FRMD3: variants seen among roughly 807,000 people sequenced by gnomAD.
FRMD3 encodes FERM domain-containing protein 3.
FRMD3 carries 33 observed loss-of-function variants against 70.2 expected under a neutral mutation model. The observed-to-expected ratio is 0.47, with a 90% CI of 0.36 to 0.63. The LOEUF (loss-of-function observed/expected upper bound fraction) is 0.63, where lower values mean the gene tolerates loss of function less well. Ranked by LOEUF, FRMD3 falls within the 20% of genes least tolerant of loss-of-function variation. FRMD3 has a pLI of 0.00. For missense variants in FRMD3, 632 were observed against 711.4 expected (o/e 0.89, Z 1.27); for synonymous variants, 279 against 255.9 (o/e 1.09, Z -0.86).
At chr9:83,329,933 T>C (rs1171132782) in intron 6 of FRMD3, among the ~76,000 whole-genome samples, 1 of 152,234 alleles carries the variant, frequency 6.6e-6, no homozygotes, top group Admixed American at 6.5e-5. Context: ...CTATCAGGGT[T>C]CTTTATGGTA....
At chr9:83,322,501 C>G (rs1308558855) in intron 6 of FRMD3, among the ~76,000 whole-genome samples, 2 of 152,170 alleles carry the variant, frequency 1.3e-5, no homozygotes, top group Non-Finnish European at 2.9e-5. Context: ...CTCCTTGCAG[C>G]AGCTCTGCAG....
chr9:83,379,338 T>C (rs1346207563), intron 2 of FRMD3, among the ~76,000 whole-genome samples: 2 of 152,180 alleles, frequency 1.3e-5, no homozygotes, highest in South Asian at 2.1e-4. Context: ...AGAACATTTA[T>C]TGCATTGCTA....
At chr9:83,271,755 C>T (rs1202792203) in intron 13 of FRMD3, among the ~76,000 whole-genome samples, 1 of 152,182 alleles carries the variant, frequency 6.6e-6, no homozygotes, top group African/African-American at 2.4e-5. Context: ...GAGATAACTG[C>T]TCTCTGGGGC....
chr9:83,501,274 A>G (rs1270300524), intron 1 of FRMD3, among the ~76,000 whole-genome samples: 1 of 151,882 alleles, frequency 6.6e-6, no homozygotes, highest in East Asian at 2.0e-4. Context: ...AGCCTGGGTG[A>G]CAGAGCGAGA....
intron 10 of FRMD3, 58 bp from the exon 11 acceptor site, chr9:83,299,244 G>T: frequency 9.3e-7 from 1 of 1,078,526 alleles, no homozygotes; most frequent in Non-Finnish European, 1.4e-6. Context: ...CTTACAACAT[G>T]CTATAGAGGT....
intron 1 of FRMD3, among the ~76,000 whole-genome samples, chr9:83,391,761 G>A (rs1184438491): frequency 2.0e-5 from 3 of 152,216 alleles, no homozygotes; most frequent in Non-Finnish European, 4.4e-5. Context: ...TGAAACAGGG[G>A]CCAATGCCTT....
intron 1 of FRMD3, among the ~76,000 whole-genome samples, chr9:83,461,663 CCCTTTTTTTTTTTT>C (rs1827974851): frequency 6.3e-5 from 8 of 126,064 alleles, no homozygotes; most frequent in African/African-American, 1.8e-4. Context: ...TCAGGAATTT[CCCTTTTTTTTTTTT>C]TTTTTTTTTT....
chr9:83,269,569 C>A (rs974652745), intron 13 of FRMD3, among the ~76,000 whole-genome samples: 1 of 151,978 alleles, frequency 6.6e-6, no homozygotes, highest in South Asian at 2.1e-4. Context: ...ATTAGCCAGG[C>A]GTGGTGGCGG....
intron 12 of FRMD3, among the ~76,000 whole-genome samples, chr9:83,295,996 T>C (rs1383466618): frequency 6.6e-6 from 1 of 152,208 alleles, no homozygotes; most frequent in African/African-American, 2.4e-5. Context: ...TCAGCAGATG[T>C]AGGAGTCTGT....
the FRMD3 span, among the ~76,000 whole-genome samples, chr9:83,576,044 C>CA: frequency 7.7e-5 from 11 of 142,616 alleles, no homozygotes; most frequent in African/African-American, 1.0e-4. Flanking sequence ...CTCATCTCTA[C>CA]AAAAAAAAAA....
At position 83,343,378 on chromosome 9, in the gene FRMD3, G is replaced by C. The variant is rs1333048832; in HGVS notation, c.375-91C>G. On this transcript the variant is annotated intron_variant, in intron 4 of 13. Transcript: ENST00000304195. ...TCATGCTTAGCTCCCATGGTGACCAGAGCTTTTCCCAGCTCTAGAGACTGG... is the reference window on the plus strand; with the variant it reads ...TCATGCTTAGCTCCCATGGTGACCACAGCTTTTCCCAGCTCTAGAGACTGG... 5.8e-6 allele frequency: 5 copies of C among 865,590 alleles called. No individual in the cohort carries two copies. The East Asian group carries it at 1.3e-4, about 22-fold the overall frequency. The allele number at this position is 865,590 out of a possible 1,614,324, so 53.6% of individuals were successfully genotyped here. A position where few individuals can be genotyped will look rare whatever the true frequency, so the allele number is the denominator to read the frequency against.
In FRMD3 at chr9:83,253,997, C is replaced by T. The variant is rs537538292; in HGVS notation, c.1196-5481G>A. Reference sequence around the variant, plus strand: ...GGATGAAGCCGGAAACCATCATTCTCAGCAAACTATCACAAGGACAAAAAA... The same window carrying T: ...GGATGAAGCCGGAAACCATCATTCTTAGCAAACTATCACAAGGACAAAAAA... On this transcript the variant is annotated intron_variant, in intron 13 of 13. Coordinates refer to ENST00000304195, the MANE Select transcript of FRMD3 (RefSeq NM_174938.6). Among the ~76,000 whole-genome samples the T allele has an allele frequency of 1.1e-3, 170 of 152,034 alleles. 1 individual carries two copies. The highest frequency in any genetic ancestry group is 3.8e-3 in the African/African-American group (159 of 41,438).
At position 83,507,728 on chromosome 9, in the gene FRMD3, A is replaced by ATC. The variant is rs1461153278; in HGVS notation, c.147+30356_147+30357insGA. Among the ~76,000 whole-genome samples the ATC allele has an allele frequency of 3.7e-3, 409 of 110,758 alleles. 20 individuals carry two copies. Among genetic ancestry groups the ATC allele is most frequent in the South Asian group, 0.01 (31 of 3,058 alleles). 72.7% of individuals were successfully genotyped at this position (110,758 alleles called of 152,430 possible). On this transcript the variant is annotated intron_variant, in intron 1 of 13. Transcript: ENST00000304195. ...TATATATATATATATATATATATAT[A>ATC]TATATATATATCTTCTGGAATATTT...
At chr9:83,432,880 A>G (rs1378671176) in intron 1 of FRMD3, among the ~76,000 whole-genome samples, 3 of 152,186 alleles carry the variant, frequency 2.0e-5, no homozygotes, top group Non-Finnish European at 4.4e-5. Flanking sequence ...CCCAGTAAGT[A>G]GTTTTTCATC....
intron 3 of FRMD3, among the ~76,000 whole-genome samples, chr9:83,353,680 A>C (rs115257580): frequency 0.023 from 3,516 of 152,306 alleles, 144 homozygotes; most frequent in African/African-American, 0.08. Context: ...AAAGTTTGTC[A>C]TCTGGATCAC....
At chr9:83,343,624 C>G (rs1196299868) in intron 4 of FRMD3, among the ~76,000 whole-genome samples, 1 of 152,226 alleles carries the variant, frequency 6.6e-6, no homozygotes, top group East Asian at 1.9e-4. Context: ...CCATGGCCAC[C>G]GTCATCACTA....
At chr9:83,331,117 G>T (rs1836242223) in intron 6 of FRMD3, among the ~76,000 whole-genome samples, 2 of 152,150 alleles carry the variant, frequency 1.3e-5, no homozygotes, top group South Asian at 4.1e-4. Flanking sequence ...ACCCAAATGA[G>T]TTGAAAACTT....
At chr9:83,462,009 T>C (rs1012773495) in intron 1 of FRMD3, among the ~76,000 whole-genome samples, 3 of 152,054 alleles carry the variant, frequency 2.0e-5, no homozygotes, top group African/African-American at 7.2e-5. Context: ...AAGATTCTCT[T>C]AGGAATACTA....
rs58538116 is a variant in FRMD3, at chr9:83,278,583, G to A, written c.1195+12020C>T. ...CAATGGGAGAAGTTTGACGGGAAAGGCAAGCATTTACAAGTCTGACTCTAC... is the reference window on the plus strand; with the variant it reads ...CAATGGGAGAAGTTTGACGGGAAAGACAAGCATTTACAAGTCTGACTCTAC... On this transcript the variant is annotated intron_variant, in intron 13 of 13. Transcript: ENST00000304195. Among the ~76,000 whole-genome samples the A allele has an allele frequency of 7.2e-5, 11 of 152,288 alleles. No homozygotes were observed. The East Asian group carries it at 1.7e-3, about 24-fold the overall frequency.
Sources: allele counts gnomAD v4.1 joint callset (sites outside exome capture counted in the v4.1 genomes callset), GRCh38; gene constraint gnomAD v4.1.1; transcripts MANE v1.5; gene names NCBI Gene and HGNC (gene_info 2026-07-23, HGNC 2026-07-21).